The following CCDC47 variants were observed in gnomAD, a reference collection of about 807,000 sequenced individuals.
The protein encoded by CCDC47 is coiled-coil domain containing 47, also known as PAT complex subunit CCDC47.
CCDC47 carries 41 observed loss-of-function variants against 60.5 expected under a neutral mutation model. That is an observed-to-expected ratio of 0.68 (90% CI 0.53 to 0.88). The LOEUF is 0.88. Among genes scored for constraint, CCDC47 ranks in the 40% least tolerant of loss-of-function variants. The probability of loss-of-function intolerance (pLI) is 0.00; values close to 1 mark genes in which losing one functional copy is unlikely to be tolerated. For synonymous variants in CCDC47, 195 were observed against 190.7 expected, an observed-to-expected ratio of 1.02 and a Z score of -0.18; for missense variants, 513 against 580.9, an observed-to-expected ratio of 0.88 and a Z score of 1.20.
rs2039209197 is a variant in CCDC47, at chr17:63,756,608, T to G, written c.736-38A>C. ...TGTAAAAAACAACAAAATTCACCTG[T>G]TAGGTTCTGTGATAGGCAGATTTCT... On this transcript the variant is annotated intron_variant, in intron 6 of 12. Coordinates refer to ENST00000225726, the MANE Select transcript of CCDC47 (RefSeq NM_020198.3). 2.1e-6 allele frequency: 3 copies of G among 1,432,438 alleles called. No individual in the cohort carries two copies. The East Asian group carries it at 6.9e-5, about 33-fold the overall frequency. 88.7% of individuals were successfully genotyped at this position (1,432,438 alleles called of 1,614,324 possible).
chr17:63,755,491 C>T (rs2039199008), intron 8 of CCDC47: 1 of 150,756 alleles, frequency 6.6e-6, no homozygotes, highest in East Asian at 1.9e-4. Flanking sequence ...AGTAGTACTC[C>T]TTTTTAGTCA....
chr17:63,759,157 A>T (rs2039230045), intron 6 of CCDC47, among the ~76,000 whole-genome samples: 1 of 152,086 alleles, frequency 6.6e-6, no homozygotes, highest in Non-Finnish European at 1.5e-5. Flanking sequence ...AAACTGAAAT[A>T]AAAATACAGG....
intron 12 of CCDC47, among the ~76,000 whole-genome samples, chr17:63,748,262 GCCATCATGC>G (rs1367468462): frequency 6.6e-6 from 1 of 151,852 alleles, no homozygotes; most frequent in East Asian, 1.9e-4. Flanking sequence ...ACAGGTGTGT[GCCATCATGC>G]CCAGCTAATT....
chr17:63,749,037 A>C (rs908743044), intron 12 of CCDC47, among the ~76,000 whole-genome samples: 1 of 152,020 alleles, frequency 6.6e-6, no homozygotes, highest in Non-Finnish European at 1.5e-5. Context: ...AAAAAGATAA[A>C]TATATTTATG....
chr17:63,759,281 A>C (rs139293152), intron 6 of CCDC47, among the ~76,000 whole-genome samples: 6,366 of 150,140 alleles, frequency 0.042, 470 homozygotes, highest in African/African-American at 0.15. Flanking sequence ...CTGAGGTCAG[A>C]AGTTCGAGAC....
rs546043508 is a variant in CCDC47, at chr17:63,745,303, T to G, written c.*1578A>C. The G allele has an allele frequency of 6.5e-6, 1 of 152,748 alleles. No individual in the cohort carries two copies. Among genetic ancestry groups the G allele is most frequent in the African/African-American group, 2.4e-5 (1 of 41,574 alleles). The allele number at this position is 152,748 out of a possible 1,614,324, so 9.5% of individuals were successfully genotyped here. On this transcript the variant is annotated 3_prime_UTR_variant, in exon 13 of 13. Transcript: ENST00000225726. ...GTCCATAGGTAGTTCATATGAATGC[T>G]TAAGTTACAAAATTAGCTGCCATGG...
chr17:63,757,947 C>T (rs948392813), intron 6 of CCDC47, among the ~76,000 whole-genome samples: 5 of 152,096 alleles, frequency 3.3e-5, no homozygotes, highest in African/African-American at 7.2e-5. Context: ...CAGCCTTGCC[C>T]TTACCTCCGT....
rs929634002 is a variant in CCDC47, at chr17:63,746,700, C to A, written c.*181G>T. ...AAAAATTCTTGAAACAGAGCCCTTTCCAGGTATCTTCAATCTCTGTAAAAC... is the reference window on the plus strand; with the variant it reads ...AAAAATTCTTGAAACAGAGCCCTTTACAGGTATCTTCAATCTCTGTAAAAC... On this transcript the variant is annotated 3_prime_UTR_variant, in exon 13 of 13. Coordinates refer to ENST00000225726, the MANE Select transcript of CCDC47 (RefSeq NM_020198.3). 14 of 468,164 alleles carry A rather than the reference C, an allele frequency of 3.0e-5. No individual in the cohort carries two copies. The highest frequency in any genetic ancestry group is 5.0e-5 in the Non-Finnish European group (13 of 260,592). The allele number at this position is 468,164 out of a possible 1,614,324, so 29.0% of individuals were successfully genotyped here.
intron 6 of CCDC47, among the ~76,000 whole-genome samples, chr17:63,759,704 A>C (rs1442764941): frequency 4.0e-5 from 6 of 150,682 alleles, no homozygotes; most frequent in African/African-American, 1.2e-4. Flanking sequence ...TCTATTATAG[A>C]AAAGAAAAAA....
At chr17:63,751,029 T>C (rs1436301810) in intron 12 of CCDC47, among the ~76,000 whole-genome samples, 1 of 126,520 alleles carries the variant, frequency 7.9e-6, no homozygotes, top group South Asian at 2.9e-4. Context: ...TATGCACCAC[T>C]ATGCACAGCT....
intron 12 of CCDC47, 72 bp from the exon 13 acceptor site, chr17:63,747,033 A>C: frequency 6.4e-7 from 1 of 1,559,030 alleles, no homozygotes; most frequent in Non-Finnish European, 8.7e-7. Flanking sequence ...CTTGAAACAT[A>C]TGTTAAAAAA....
At chr17:63,747,318 A>G in intron 12 of CCDC47, 1 of 982,936 alleles carries the variant, frequency 1.0e-6, no homozygotes, top group Non-Finnish European at 1.2e-6. Flanking sequence ...ATTATATCAT[A>G]AATGTATAAC....
At chr17:63,768,225 C>T (rs1957150911) in intron 1 of CCDC47, among the ~76,000 whole-genome samples, 1 of 152,154 alleles carries the variant, frequency 6.6e-6, no homozygotes, top group South Asian at 2.1e-4. Flanking sequence ...AAGCATATCG[C>T]CACAGTAGGT....
intron 4 of CCDC47, chr17:63,762,304 A>T (rs913245523): frequency 1.1e-6 from 1 of 934,458 alleles, no homozygotes; most frequent in African/African-American, 1.8e-5. Context: ...TTTTTTTTCG[A>T]ATTTCCTGGT....
intron 2 of CCDC47, chr17:63,765,487 C>G (rs145545388): frequency 6.5e-6 from 1 of 154,166 alleles, no homozygotes; most frequent in African/African-American, 2.4e-5. Context: ...ATGACAGGCA[C>G]GCACCACCAC....
At chr17:63,764,353 G>A (rs1044822449) in intron 3 of CCDC47, among the ~76,000 whole-genome samples, 163 bp from the exon 4 acceptor site, 2 of 152,114 alleles carry the variant, frequency 1.3e-5, no homozygotes, top group Admixed American at 1.3e-4. Context: ...TACTTTTCTA[G>A]GCTAGCTTGA....
chr17:63,769,959 T>C (rs1393179011), intron 1 of CCDC47, among the ~76,000 whole-genome samples: 1 of 110,452 alleles, frequency 9.1e-6, no homozygotes, highest in Non-Finnish European at 1.7e-5. Flanking sequence ...TTATTTTTCT[T>C]TCTTTTTTTT....
chr17:63,748,516 C>T (rs2039137612), intron 12 of CCDC47, among the ~76,000 whole-genome samples: 2 of 152,144 alleles, frequency 1.3e-5, no homozygotes, highest in Non-Finnish European at 2.9e-5. Context: ...CCTCTGCCTC[C>T]CAGGTTCGAT....
intron 8 of CCDC47, 52 bp downstream of exon 8, chr17:63,756,188 G>C: frequency 8.5e-7 from 1 of 1,173,658 alleles, no homozygotes; most frequent in Non-Finnish European, 1.3e-6. Context: ...TTTAGGGAGA[G>C]TGTCCTGTAA....
Sources: allele counts gnomAD v4.1 joint callset (sites outside exome capture counted in the v4.1 genomes callset), GRCh38; gene constraint gnomAD v4.1.1; transcripts MANE v1.5; gene names NCBI Gene and HGNC (gene_info 2026-07-23, HGNC 2026-07-21).